PCSK5: variants seen among roughly 807,000 people sequenced by gnomAD.
PCSK5 encodes the protein prohormone convertase 5.
A neutral mutation model predicts 233.2 loss-of-function variants in PCSK5; 129 were observed. The observed-to-expected ratio is 0.55, with a 90% CI of 0.48 to 0.64. PCSK5 has a LOEUF of 0.64. PCSK5 is among the 30% of genes least tolerant of loss of function. The probability of loss-of-function intolerance (pLI) is 0.00; values close to 1 mark genes in which losing one functional copy is unlikely to be tolerated. For synonymous variants in PCSK5, 825 were observed against 879.2 expected, an observed-to-expected ratio of 0.94 and a Z score of 1.09; for missense variants, 2,076 against 2,430.1, an observed-to-expected ratio of 0.85 and a Z score of 3.06.
At chr9:75,965,375 G>T (rs908113326) in intron 2 of PCSK5, among the ~76,000 whole-genome samples, 3 of 152,018 alleles carry the variant, frequency 2.0e-5, no homozygotes, top group African/African-American at 7.3e-5. Context: ...CACGATTTGC[G>T]TCTGCAAGCC....
intron 3 of PCSK5, among the ~76,000 whole-genome samples, chr9:76,023,278 T>A (rs1447325092): frequency 6.6e-6 from 1 of 152,200 alleles, no homozygotes; most frequent in African/African-American, 2.4e-5. Flanking sequence ...TTTTCCCACA[T>A]CTTTCCTTCC....
At position 76,067,398 on chromosome 9, in the gene PCSK5, A is replaced by C. The variant is rs1242931356; in HGVS notation, c.633-557A>C. Among the ~76,000 whole-genome samples, 4 of 152,200 alleles carry C rather than the reference A, an allele frequency of 2.6e-5. No homozygotes were observed. The East Asian group carries it at 7.7e-4, about 29-fold the overall frequency. On this transcript the variant is annotated intron_variant, in intron 5 of 37. Coordinates refer to ENST00000674117, the MANE Select transcript of PCSK5 (RefSeq NM_001372043.1). ...AAAACAATGATTAATAAGATATTTT[A>C]CCTTTTCATTTTTGCATACAAAATC...
chr9:76,332,241 C>T (rs936553157), intron 33 of PCSK5, among the ~76,000 whole-genome samples, 192 bp from the exon 34 acceptor site: 1 of 152,174 alleles, frequency 6.6e-6, no homozygotes, highest in African/African-American at 2.4e-5. Context: ...TCCTTGTATT[C>T]CTCATGGCCT....
chr9:76,358,932 C>T lies in PCSK5; in HGVS notation c.*10C>T, dbSNP rs781239197. On this transcript the variant is annotated 3_prime_UTR_variant, in exon 38 of 38. Coordinates refer to ENST00000674117, the MANE Select transcript of PCSK5 (RefSeq NM_001372043.1). The stretch of plus-strand genomic sequence containing the variant: ...CTCCTACTACCAGTAAACAGGCACT[C>T]CCCCACCAACACCACCATTCCACTC... The T allele has an allele frequency of 3.1e-6, 5 of 1,606,914 alleles. No homozygotes were observed. The highest frequency in any genetic ancestry group is 1.7e-5 in the Admixed American group (1 of 59,896).
At position 76,189,788 on chromosome 9, in the gene PCSK5, G is replaced by T. The variant is rs10869726; in HGVS notation, c.2626+42G>T. 10 of 1,012,622 alleles carry T rather than the reference G, an allele frequency of 9.9e-6. No individual in the cohort carries two copies. The Admixed American group carries it at 1.9e-4, about 19-fold the overall frequency. 62.7% of individuals were successfully genotyped at this position (1,012,622 alleles called of 1,614,324 possible). A position where few individuals can be genotyped will look rare whatever the true frequency, so the allele number is the denominator to read the frequency against. ...ATATCGATCTTATGAAGCAAAGTAT[G>T]ATCTTTCTACTTTCAGGACTAATAT... On this transcript the variant is annotated intron_variant, in intron 20 of 37. Coordinates refer to ENST00000674117, the MANE Select transcript of PCSK5 (RefSeq NM_001372043.1).
chr9:76,078,027 T>A (rs1310555979), intron 7 of PCSK5, among the ~76,000 whole-genome samples: 1 of 152,242 alleles, frequency 6.6e-6, no homozygotes, highest in Non-Finnish European at 1.5e-5. Context: ...TGATTTACAT[T>A]TCTCTGATGA....
In PCSK5 at chr9:76,247,716, T is replaced by C. The variant is rs537114553; in HGVS notation, c.3142+7032T>C. ...AGAAAAAAGATAACTAAGAAACTAA[T>C]GAAAGTGGTTACCTATAGAGAAAGG... On this transcript the variant is annotated intron_variant, in intron 24 of 37. Coordinates refer to ENST00000674117, the MANE Select transcript of PCSK5 (RefSeq NM_001372043.1). Among the ~76,000 whole-genome samples, 7 of 152,232 alleles carry C rather than the reference T, an allele frequency of 4.6e-5. No individual in the cohort carries two copies. The South Asian group carries it at 1.0e-3, about 23-fold the overall frequency.
intron 9 of PCSK5, among the ~76,000 whole-genome samples, chr9:76,130,990 C>T (rs1822742709): frequency 6.6e-6 from 1 of 152,098 alleles, no homozygotes; most frequent in Admixed American, 6.6e-5. Flanking sequence ...TCAGAGAGGT[C>T]TCAGTTTTCA....
At chr9:76,005,777 G>T (rs1250990047) in intron 3 of PCSK5, among the ~76,000 whole-genome samples, 1 of 152,138 alleles carries the variant, frequency 6.6e-6, no homozygotes, top group Admixed American at 6.5e-5. Context: ...TAAGGGCTAG[G>T]ATAGTTTACA....
At chr9:76,286,145 T>C (rs189865519) in intron 24 of PCSK5, among the ~76,000 whole-genome samples, 2 of 152,164 alleles carry the variant, frequency 1.3e-5, no homozygotes, top group Non-Finnish European at 1.5e-5. Flanking sequence ...AGGTCATTTT[T>C]CCCCCCATAA....
In PCSK5 at chr9:76,239,054, T is replaced by TGCCCA; in HGVS notation, c.2964_2968dup (p.Asp990AlafsTer18). 1 of 1,611,688 alleles carries TGCCCA rather than the reference T, an allele frequency of 6.2e-7. No homozygotes were observed. The highest frequency in any genetic ancestry group is 8.5e-7 in the Non-Finnish European group (1 of 1,179,456). ...CACTGAGGGGAACACCTGCCTGCCCTGCCCAGACAACTGTGAGCTTTGCCA... is the reference window on the plus strand; with the variant it reads ...CACTGAGGGGAACACCTGCCTGCCCTGCCCAGCCCAGACAACTGTGAGCTTTGCCA... On this transcript the variant is annotated frameshift_variant, in exon 23 of 38. Coordinates refer to ENST00000674117, the MANE Select transcript of PCSK5 (RefSeq NM_001372043.1). LOFTEE classifies it high-confidence loss of function.
intron 20 of PCSK5, among the ~76,000 whole-genome samples, chr9:76,202,941 G>T (rs78822294): frequency 6.6e-6 from 1 of 152,050 alleles, no homozygotes; most frequent in South Asian, 2.1e-4. Context: ...CTTGATAACT[G>T]TTATGGATAG....
chr9:75,891,279 G>A lies in PCSK5; in HGVS notation c.98G>A (p.Arg33His). 1.3e-6 allele frequency: 2 copies of A among 1,530,192 alleles called. No homozygotes were observed. Among genetic ancestry groups the A allele is most frequent in the Middle Eastern group, 1.7e-4 (1 of 5,828 alleles). The allele number at this position is 1,530,192 out of a possible 1,614,324, so 94.8% of individuals were successfully genotyped here. A position where few individuals can be genotyped will look rare whatever the true frequency, so the allele number is the denominator to read the frequency against. Residue 33 changes from arginine (R) to histidine (H), a missense_variant, in exon 1 of 38, where the codon CGC (arginine) becomes CAC (histidine). Arg to His is a conservative substitution (Grantham distance 29, BLOSUM62 0). This residue lies in a region of PCSK5 where 190 missense variants were observed against 216.3 expected (regional missense o/e 0.88). Coordinates refer to ENST00000674117, the MANE Select transcript of PCSK5 (RefSeq NM_001372043.1). ...TGCCTGCTCCCCGTGTGTCGGACGC[G>A]CGTCTACACCAACCACTGGGCAGTC... ...GGCLLPVCRT[R>H]VYTNHWAVKI...
intron 7 of PCSK5, among the ~76,000 whole-genome samples, chr9:76,079,245 A>T (rs963626035): frequency 2.6e-5 from 4 of 151,650 alleles, no homozygotes; most frequent in African/African-American, 9.7e-5. Context: ...CTGGGACTAC[A>T]GGTGCGCACT....
intron 3 of PCSK5, among the ~76,000 whole-genome samples, chr9:76,001,705 C>T (rs978002956): frequency 3.9e-5 from 6 of 152,088 alleles, no homozygotes; most frequent in African/African-American, 1.2e-4. Context: ...ATTATTTCCC[C>T]TAATGTGCCT....
intron 10 of PCSK5, among the ~76,000 whole-genome samples, chr9:76,140,217 T>G (rs947137965): frequency 1.3e-5 from 2 of 152,100 alleles, no homozygotes; most frequent in Non-Finnish European, 2.9e-5. Context: ...ACCTGTTATC[T>G]CTATACAAGA....
intron 20 of PCSK5, among the ~76,000 whole-genome samples, chr9:76,203,228 T>C (rs1287959416): frequency 7.9e-5 from 12 of 152,000 alleles, no homozygotes; most frequent in African/African-American, 2.7e-4. Flanking sequence ...TGGCACAAAC[T>C]CATTAAAGCC....
intron 28 of PCSK5, among the ~76,000 whole-genome samples, chr9:76,304,389 G>T (rs1369934653): frequency 6.6e-6 from 1 of 152,170 alleles, no homozygotes; most frequent in Non-Finnish European, 1.5e-5. Context: ...TTGTATCCAT[G>T]ATTGTCATCA....
At position 75,890,687 on chromosome 9, in the gene PCSK5, T is replaced by C. The variant is rs3814117; in HGVS notation, c.-495T>C. ...CTGCTGCCATTGCCACTCAGAATCC[T>C]CGCGCGCTGCTCGGAGCCGGAGGGA... On this transcript the variant is annotated 5_prime_UTR_variant, in exon 1 of 38. Transcript: ENST00000674117. 0.8 allele frequency: 123,184 copies of C among 154,660 alleles called. 50,123 individuals carry two copies. Among genetic ancestry groups the C allele is most frequent in the African/African-American group, 0.87 (36,107 of 41,638 alleles). The allele number at this position is 154,660 out of a possible 1,614,324, so 9.6% of individuals were successfully genotyped here.
Sources: allele counts gnomAD v4.1 joint callset (sites outside exome capture counted in the v4.1 genomes callset), GRCh38; gene constraint gnomAD v4.1.1; regional missense constraint gnomAD v4.1.1; transcripts MANE v1.5; gene names NCBI Gene and HGNC (gene_info 2026-07-23, HGNC 2026-07-21).